The following DNM3 variants were observed in gnomAD, a reference collection of about 807,000 sequenced individuals.
DNM3 encodes dynamin-3.
Under a neutral mutation model 101.6 loss-of-function variants are expected in DNM3, and 47 were observed. That is an observed-to-expected ratio of 0.46 (90% CI 0.37 to 0.59). DNM3 has a LOEUF of 0.59. Among genes scored for constraint, DNM3 ranks in the 20% least tolerant of loss-of-function variants. The probability of loss-of-function intolerance (pLI) is 0.00; values close to 1 mark genes in which losing one functional copy is unlikely to be tolerated. For synonymous variants in DNM3, 385 were observed against 387.9 expected (o/e 0.99, Z 0.09); for missense variants, 849 against 1,085.7 (o/e 0.78, Z 3.06).
chr1:172,307,691 G>A (rs1258642752), intron 15 of DNM3, among the ~76,000 whole-genome samples: 1 of 152,188 alleles, frequency 6.6e-6, no homozygotes, highest in Non-Finnish European at 1.5e-5. Context: ...ATACTATGCA[G>A]CCATAAAAAG....
intron 5 of DNM3, 53 bp downstream of exon 5, chr1:172,032,553 T>C: frequency 9.7e-7 from 1 of 1,029,826 alleles, no homozygotes; most frequent in Admixed American, 2.9e-5. Flanking sequence ...TTTTTTTTTT[T>C]TTGTTATATG....
At chr1:172,287,830 C>CAT (rs1169626556) in intron 15 of DNM3, among the ~76,000 whole-genome samples, 2 of 145,366 alleles carry the variant, frequency 1.4e-5, no homozygotes, top group Non-Finnish European at 3.0e-5. Flanking sequence ...CACACACACA[C>CAT]ATATATTTTT....
chr1:171,960,448 T>C (rs926766089), intron 2 of DNM3, among the ~76,000 whole-genome samples: 4 of 152,188 alleles, frequency 2.6e-5, no homozygotes, highest in Admixed American at 2.6e-4. Flanking sequence ...CCACTTTTTA[T>C]AGGATGGATG....
intron 4 of DNM3, among the ~76,000 whole-genome samples, chr1:171,998,969 G>A (rs908474031): frequency 1.3e-5 from 2 of 152,108 alleles, no homozygotes; most frequent in Non-Finnish European, 2.9e-5. Flanking sequence ...CAGAGAGGTA[G>A]GCAGGGCCCA....
At chr1:171,885,899 G>A (rs1432092762) in intron 1 of DNM3, among the ~76,000 whole-genome samples, 3 of 152,138 alleles carry the variant, frequency 2.0e-5, no homozygotes, top group African/African-American at 7.2e-5. Context: ...GGTTTGGGGT[G>A]CTTATAACCT....
chr1:172,120,465 C>A (rs2056235778), intron 13 of DNM3, among the ~76,000 whole-genome samples: 1 of 152,136 alleles, frequency 6.6e-6, no homozygotes, highest in South Asian at 2.1e-4. Flanking sequence ...CATATTGTTA[C>A]CCTACTTTAA....
intron 11 of DNM3, 61 bp from the exon 12 acceptor site, chr1:172,081,771 A>T: frequency 7.3e-7 from 1 of 1,374,402 alleles, no homozygotes; most frequent in Non-Finnish European, 1.0e-6. Context: ...GCAATTACTG[A>T]ATTTAATGTT....
intron 13 of DNM3, among the ~76,000 whole-genome samples, chr1:172,127,385 C>CTTATTA (rs60339425): frequency 0.038 from 5,239 of 137,598 alleles, 125 homozygotes; most frequent in Non-Finnish European, 0.046. Context: ...TTACTCTCTA[C>CTTATTA]TTATTATTAT....
intron 4 of DNM3, among the ~76,000 whole-genome samples, chr1:172,012,693 T>G (rs976490894): frequency 2.6e-5 from 4 of 152,010 alleles, no homozygotes; most frequent in African/African-American, 9.7e-5. Flanking sequence ...TTCCAAGTAC[T>G]TTGCTAGAAT....
At chr1:171,843,396 C>A (rs891065922) in intron 1 of DNM3, among the ~76,000 whole-genome samples, 8 of 151,948 alleles carry the variant, frequency 5.3e-5, no homozygotes, top group African/African-American at 1.9e-4. Flanking sequence ...GATTTGTTGC[C>A]AATGAAATTT....
chr1:171,873,912 T>G (rs906341746), intron 1 of DNM3, among the ~76,000 whole-genome samples: 3 of 152,160 alleles, frequency 2.0e-5, no homozygotes, highest in African/African-American at 7.2e-5. Flanking sequence ...ACATTTTGAG[T>G]CTTTTCTGAT....
At chr1:171,846,528 C>T (rs936172481) in intron 1 of DNM3, among the ~76,000 whole-genome samples, 1 of 152,264 alleles carries the variant, frequency 6.6e-6, no homozygotes. Context: ...AGGTATTCTT[C>T]TTAGGTAGTA....
chr1:171,857,143 G>A (rs930337903), intron 1 of DNM3, among the ~76,000 whole-genome samples: 2 of 152,114 alleles, frequency 1.3e-5, no homozygotes, highest in African/African-American at 4.8e-5. Flanking sequence ...GAAGCAATGA[G>A]GAGCTGTTAA....
At chr1:172,053,521 C>T (rs999192749) in intron 10 of DNM3, among the ~76,000 whole-genome samples, 1 of 151,956 alleles carries the variant, frequency 6.6e-6, no homozygotes, top group African/African-American at 2.4e-5. Flanking sequence ...CATATCTCCT[C>T]TTGTTGATTG....
chr1:171,892,106 G>A (rs549925712), intron 1 of DNM3, among the ~76,000 whole-genome samples: 1 of 152,106 alleles, frequency 6.6e-6, no homozygotes, highest in African/African-American at 2.4e-5. Context: ...TGCTCAAACT[G>A]TTCCCGTGGG....
At position 172,303,056 on chromosome 1, in the gene DNM3, CAGA is replaced by C. The variant is rs1433497009; in HGVS notation, c.1770-5669_1770-5667del. On this transcript the variant is annotated intron_variant, in intron 15 of 20. Transcript: ENST00000627582. The stretch of plus-strand genomic sequence containing the variant: ...TTGATGAGTTGACAGAAGTAGGCCT[CAGA>C]AGGTCAGTAATAACAAACTTCTCCA... Among the ~76,000 whole-genome samples the C allele has an allele frequency of 9.9e-5, 15 of 152,140 alleles. 1 individual carries two copies. Among genetic ancestry groups the C allele is most frequent in the Admixed American group, 9.8e-4 (15 of 15,258 alleles).
intron 1 of DNM3, among the ~76,000 whole-genome samples, chr1:171,910,644 G>C (rs1352458852): frequency 1.3e-5 from 2 of 152,154 alleles, no homozygotes; most frequent in East Asian, 3.9e-4. Flanking sequence ...AACGAATTTA[G>C]GTAAATAATG....
intron 1 of DNM3, among the ~76,000 whole-genome samples, chr1:171,870,685 A>G (rs141036758): frequency 4.6e-5 from 7 of 152,300 alleles, no homozygotes; most frequent in Admixed American, 3.9e-4. Flanking sequence ...GCTCAAAATT[A>G]TATTCTTCTG....
At position 172,158,994 on chromosome 1, in the gene DNM3, C is replaced by T. The variant is rs916517599; in HGVS notation, c.1659+27706C>T. 4.6e-5 allele frequency among the ~76,000 whole-genome samples: 7 copies of T among 152,082 alleles called. No individual in the cohort carries two copies. In the South Asian group the frequency reaches 6.2e-4, roughly 14 times the overall value. On this transcript the variant is annotated intron_variant, in intron 14 of 20. Coordinates refer to ENST00000627582, the MANE Select transcript of DNM3 (RefSeq NM_015569.5). ...CACATGATCAAGCTTTAAACCTAAGCGTTGTTTTGCTTGCTGCTATGTATG... is the reference window on the plus strand; with the variant it reads ...CACATGATCAAGCTTTAAACCTAAGTGTTGTTTTGCTTGCTGCTATGTATG...
Sources: allele counts gnomAD v4.1 joint callset (sites outside exome capture counted in the v4.1 genomes callset), GRCh38; gene constraint gnomAD v4.1.1; transcripts MANE v1.5; gene names NCBI Gene and HGNC (gene_info 2026-07-23, HGNC 2026-07-21).